Variants in GIN1 observed in about 807,000 individuals in gnomAD.
GIN1 encodes gypsy retrotransposon integrase 1.
In GIN1, 41 loss-of-function variants were observed where a neutral mutation model predicts 51.4. That is an observed-to-expected ratio of 0.80 (90% CI 0.62 to 1.04). The LOEUF (loss-of-function observed/expected upper bound fraction) is 1.04. GIN1 is among the 50% of genes least tolerant of loss of function. The pLI is 0.00. For synonymous variants in GIN1, 222 were observed against 206.5 expected (o/e 1.07, Z -0.64); for missense variants, 610 against 612.4 (o/e 1.00, Z 0.04).
intron 1 of GIN1, among the ~76,000 whole-genome samples, chr5:103,111,547 G>A (rs1406491293): frequency 3.3e-5 from 5 of 152,018 alleles, no homozygotes; most frequent in Non-Finnish European, 7.4e-5. Flanking sequence ...AGTAAAGGTT[G>A]CAAAAACTCC....
chr5:103,091,481 C>T (rs1787236020), intron 7 of GIN1, among the ~76,000 whole-genome samples: 1 of 152,162 alleles, frequency 6.6e-6, no homozygotes, highest in Admixed American at 6.5e-5. Flanking sequence ...AGCTACATTA[C>T]ACAGTACATT....
At chr5:103,102,680 G>A (rs757675547) in intron 4 of GIN1, 2 of 152,166 alleles carry the variant, frequency 1.3e-5, no homozygotes, top group African/African-American at 4.8e-5. Context: ...GGGAGGTCGA[G>A]GCAGGTGGAT....
At chr5:103,111,468 G>A (rs559227180) in intron 1 of GIN1, among the ~76,000 whole-genome samples, 1 of 152,206 alleles carries the variant, frequency 6.6e-6, no homozygotes, top group South Asian at 2.1e-4. Context: ...TTGGGAGGAT[G>A]GTATCTGTAG....
chr5:103,097,234 CATGT>C, intron 6 of GIN1, 76 bp downstream of exon 6: 1 of 807,974 alleles, frequency 1.2e-6, no homozygotes, highest in Non-Finnish European at 2.0e-6. Context: ...TGCATGCACA[CATGT>C]ATATGCTGAA....
At chr5:103,112,413 C>T (rs533090023) in intron 1 of GIN1, among the ~76,000 whole-genome samples, 1 of 152,198 alleles carries the variant, frequency 6.6e-6, no homozygotes, top group Non-Finnish European at 1.5e-5. Flanking sequence ...AAATGATTTA[C>T]TTGACAGAGT....
At chr5:103,117,579 T>C (rs1044522545) in intron 1 of GIN1, among the ~76,000 whole-genome samples, 1 of 87,816 alleles carries the variant, frequency 1.1e-5, no homozygotes, top group Non-Finnish European at 3.0e-5. Context: ...AAGAAAAAAA[T>C]ATACACACAC....
At chr5:103,095,056 G>A (rs1787353333) in intron 7 of GIN1, among the ~76,000 whole-genome samples, 1 of 152,216 alleles carries the variant, frequency 6.6e-6, no homozygotes, top group African/African-American at 2.4e-5. Context: ...CTCAAGAAAA[G>A]GCATAGGGTA....
At chr5:103,114,081 A>G (rs1554197157) in intron 1 of GIN1, among the ~76,000 whole-genome samples, 1 of 140,190 alleles carries the variant, frequency 7.1e-6, no homozygotes, top group African/African-American at 2.5e-5. Context: ...GCCTGGAATG[A>G]ACTTTTATTG....
In GIN1 at chr5:103,086,255, T is replaced by G. The variant is rs369696611; in HGVS notation, c.*1643A>C. 6.8e-6 allele frequency: 1 copy of G among 146,404 alleles called. No individual in the cohort carries two copies. The highest frequency in any genetic ancestry group is 2.5e-5 in the African/African-American group (1 of 39,960). 9.1% of individuals were successfully genotyped at this position (146,404 alleles called of 1,614,324 possible). A position where few individuals can be genotyped will look rare whatever the true frequency, so the allele number is the denominator to read the frequency against. The stretch of plus-strand genomic sequence containing the variant: ...TCCCCTTTTATCAGAACACCAGTAA[T>G]ACTGTATTAGAGCCCACCCTATTGA... On this transcript the variant is annotated 3_prime_UTR_variant, in exon 8 of 8. Transcript: ENST00000399004.
chr5:103,099,379 C>T (rs1192744759), intron 4 of GIN1, among the ~76,000 whole-genome samples: 1 of 151,548 alleles, frequency 6.6e-6, no homozygotes, highest in Non-Finnish European at 1.5e-5. Flanking sequence ...AATATATATA[C>T]AATATATATT....
At position 103,097,491 on chromosome 5, in the gene GIN1, C is replaced by T. The variant is rs1483901585; in HGVS notation, c.832-1G>A. On this transcript the variant is annotated splice_acceptor_variant, in intron 5 of 7. Coordinates refer to ENST00000399004, the MANE Select transcript of GIN1 (RefSeq NM_017676.2). LOFTEE classifies it high-confidence loss of function. ...AATATGGTGTATTTTTAGTAGGTTC[C>T]TATTTTAAAGAAAATAAACGTCAAT... 1.3e-6 allele frequency: 2 copies of T among 1,529,826 alleles called. No individual in the cohort carries two copies. Among genetic ancestry groups the T allele is most frequent in the African/African-American group, 1.4e-5 (1 of 72,174 alleles). 94.8% of individuals were successfully genotyped at this position (1,529,826 alleles called of 1,614,324 possible).
At position 103,097,779 on chromosome 5, in the gene GIN1, GA is replaced by G; in HGVS notation, c.641del (p.Ile214ThrfsTer11). ...CAAACAATCTGTACAGTTCAATATT[GA>G]TCTGAAAAATATATAAAACAAAGGT... is the stretch of plus-strand genomic sequence containing the variant. ...MDQRDEFIQQINIELYRLFGI... is the reference protein window; with the variant it reads ...MDQRDEFIQQXNIELYRLFGI... On this transcript the variant is annotated frameshift_variant and splice_region_variant, in exon 5 of 8. Transcript: ENST00000399004. LOFTEE classifies it high-confidence loss of function. 1.5e-6 allele frequency: 2 copies of G among 1,375,802 alleles called. No individual in the cohort carries two copies. The highest frequency in any genetic ancestry group is 2.1e-5 in the Admixed American group (1 of 48,128). 85.2% of individuals were successfully genotyped at this position (1,375,802 alleles called of 1,614,324 possible).
intron 1 of GIN1, among the ~76,000 whole-genome samples, chr5:103,110,533 C>T (rs906411395): frequency 1.3e-5 from 2 of 152,038 alleles, no homozygotes; most frequent in East Asian, 1.9e-4. Flanking sequence ...AATAAAACCA[C>T]GATGACTTAG....
At chr5:103,112,086 G>C (rs553362107) in intron 1 of GIN1, among the ~76,000 whole-genome samples, 2 of 152,274 alleles carry the variant, frequency 1.3e-5, no homozygotes, top group African/African-American at 2.4e-5. Context: ...AGGAGAAAAG[G>C]AAAGCACTAC....
chr5:103,104,644 T>G lies in GIN1; in HGVS notation c.536A>C (p.Asp179Ala). Residue 179 changes from aspartate (D) to alanine (A), a missense_variant, in exon 4 of 8, where the codon GAT (aspartate) becomes GCT (alanine). Physicochemically the swap from Asp to Ala is moderately radical, Grantham distance 126. Coordinates refer to ENST00000399004, the MANE Select transcript of GIN1 (RefSeq NM_017676.2). ...TKWIVILPLC[D>A]VSASEVSKAI... ...TTTAGAAACTTCTGATGCTGAAACA[T>G]CACATAGAGGCAAAATCACAATCCA... The G allele has an allele frequency of 6.2e-7, 1 of 1,604,362 alleles. No homozygotes were observed. Among genetic ancestry groups the G allele is most frequent in the Non-Finnish European group, 8.5e-7 (1 of 1,171,238 alleles).
chr5:103,098,694 A>G (rs1787479093), intron 4 of GIN1, among the ~76,000 whole-genome samples: 2 of 152,184 alleles, frequency 1.3e-5, no homozygotes, highest in Admixed American at 6.5e-5. Context: ...CCTGGACTCA[A>G]GCAATCCATG....
At chr5:103,112,131 T>C (rs1554196984) in intron 1 of GIN1, among the ~76,000 whole-genome samples, 1 of 152,172 alleles carries the variant, frequency 6.6e-6, no homozygotes, top group African/African-American at 2.4e-5. Context: ...TTAAGGTTTT[T>C]GGTTTGTTTT....
chr5:103,096,424 A>G, intron 7 of GIN1, 117 bp downstream of exon 7: 1 of 795,620 alleles, frequency 1.3e-6, no homozygotes, highest in South Asian at 1.8e-5. Flanking sequence ...AACTGTAACA[A>G]ATTTTATGAA....
intron 7 of GIN1, among the ~76,000 whole-genome samples, chr5:103,088,716 C>T (rs34795): frequency 0.26 from 38,905 of 151,638 alleles, 5,461 homozygotes; most frequent in East Asian, 0.45. Context: ...ATCACTTGAG[C>T]CTGGGAGATT....
Sources: gnomAD v4.1 joint callset for allele counts (sites outside exome capture counted in the v4.1 genomes callset) on GRCh38, gnomAD v4.1.1 for gene constraint, MANE v1.5 for transcripts, NCBI Gene and HGNC (gene_info 2026-07-23, HGNC 2026-07-21) for gene names.